MYO19: variants seen among roughly 807,000 people sequenced by gnomAD.
The protein encoded by MYO19 is myosin XIX.
Under a neutral mutation model 129.2 loss-of-function variants are expected in MYO19, and 132 were observed. That is an observed-to-expected ratio of 1.02 (90% CI 0.89 to 1.18). The LOEUF is 1.18. MYO19 is among the 50% of genes most tolerant of loss of function. MYO19 has a pLI of 0.00. For synonymous variants in MYO19, 531 were observed against 477.2 expected (o/e 1.11, Z -1.47); for missense variants, 1,210 against 1,216.7 (o/e 0.99, Z 0.08).
intron 12 of MYO19, 60 bp downstream of exon 12, chr17:36,511,305 C>T: frequency 6.6e-7 from 1 of 1,521,826 alleles, no homozygotes; most frequent in South Asian, 1.2e-5. Flanking sequence ...TCCACCCAAC[C>T]CCAGCAATGC....
At chr17:36,517,786 T>C (rs536741713) in intron 6 of MYO19, among the ~76,000 whole-genome samples, 1 of 151,976 alleles carries the variant, frequency 6.6e-6, no homozygotes, top group African/African-American at 2.4e-5. Flanking sequence ...GGGAGGTAAT[T>C]AAGATTAAAT....
chr17:36,512,039 A>C (rs1318292442), intron 11 of MYO19, among the ~76,000 whole-genome samples: 3 of 152,108 alleles, frequency 2.0e-5, no homozygotes, highest in African/African-American at 7.2e-5. Flanking sequence ...CACCCCACCA[A>C]GGCCCAGCAA....
chr17:36,511,034 G>C, intron 12 of MYO19, 117 bp from the exon 13 acceptor site: 1 of 1,213,762 alleles, frequency 8.2e-7, no homozygotes, highest in East Asian at 2.6e-5. Context: ...AGAAACCTAA[G>C]TTCTGATCAG....
At chr17:36,524,137 T>C (rs1386343119) in intron 6 of MYO19, among the ~76,000 whole-genome samples, 6 of 152,222 alleles carry the variant, frequency 3.9e-5, no homozygotes, top group African/African-American at 7.2e-5. Context: ...CAAGGCTTCG[T>C]TGAGAAGCTG....
Position 36,504,021 on chromosome 17 carries a change from C to T in MYO19, c.1906-1G>A. On this transcript the variant is annotated splice_acceptor_variant, in intron 19 of 25. Coordinates refer to ENST00000614623, the MANE Select transcript of MYO19 (RefSeq NM_001163735.2). LOFTEE classifies it high-confidence loss of function. Reference sequence around the variant, plus strand: ...CACAGGCCTCCAGCTGGCTCAGGACCTGCAAGGGTGGGGAGACAGGGCAGG... The same window carrying T: ...CACAGGCCTCCAGCTGGCTCAGGACTTGCAAGGGTGGGGAGACAGGGCAGG... 6.4e-7 allele frequency: 1 copy of T among 1,567,958 alleles called. No individual in the cohort carries two copies. Among genetic ancestry groups the T allele is most frequent in the Admixed American group, 1.9e-5 (1 of 52,968 alleles).
chr17:36,531,452 T>C (rs1376353020), intron 3 of MYO19, among the ~76,000 whole-genome samples: 1 of 146,432 alleles, frequency 6.8e-6, no homozygotes, highest in Non-Finnish European at 1.5e-5. Context: ...AGCATAAAAA[T>C]CCATAATCAT....
chr17:36,532,218 T>C (rs561198892), intron 3 of MYO19, among the ~76,000 whole-genome samples: 1 of 152,342 alleles, frequency 6.6e-6, no homozygotes, highest in South Asian at 2.1e-4. Context: ...CCCAGGCTTC[T>C]ACTATGCCTC....
intron 20 of MYO19, 79 bp from the exon 21 acceptor site, chr17:36,503,279 A>G: frequency 8.8e-7 from 1 of 1,137,008 alleles, no homozygotes; most frequent in Non-Finnish European, 1.3e-6. Flanking sequence ...ATCAGAAGTT[A>G]TTCTATTTAA....
chr17:36,513,701 C>A lies in MYO19; in HGVS notation c.745G>T (p.Glu249Ter), dbSNP rs369841038. The change falls in exon 10 of 26, where the codon GAG becomes TAG. Residue 249 changes from glutamate (E) to a stop codon, truncating the protein, a stop_gained. Coordinates refer to ENST00000614623, the MANE Select transcript of MYO19 (RefSeq NM_001163735.2). LOFTEE classifies it high-confidence loss of function. ...YQICKGASED[E>*]RLQWHLPEGA... ...TCAGGAAGGTGCCACTGGAGCCTCT[C>A]GTCCTCACTGGCTCCTTTGCAAATC... 1.2e-6 allele frequency: 2 copies of A among 1,613,742 alleles called. No individual in the cohort carries two copies.
rs765966360 is a variant in MYO19, at chr17:36,513,372, T to C, written c.894+57A>G. On this transcript the variant is annotated intron_variant, in intron 11 of 25. Transcript: ENST00000614623. ...ACTCCAAGTCCAGGGAAAAGCTCTA[T>C]GCAAAGGGCTGCCCGTCATCTCTGC... 5.0e-6 allele frequency: 8 copies of C among 1,613,674 alleles called. No homozygotes were observed. In the East Asian group the frequency reaches 8.9e-5, roughly 18 times the overall value.
upstream of MYO19, chr17:36,537,287 T>C (rs951359490): frequency 2.8e-5 from 45 of 1,614,038 alleles, no homozygotes; most frequent in Non-Finnish European, 3.7e-5. Flanking sequence ...CTGACTTTGT[T>C]GTCCTAATAG....
chr17:36,507,496 T>C lies in MYO19; in HGVS notation c.1370A>G (p.Glu457Gly). 1 of 1,613,562 alleles carries C rather than the reference T, an allele frequency of 6.2e-7. No homozygotes were observed. Among genetic ancestry groups the C allele is most frequent in the Non-Finnish European group, 8.5e-7 (1 of 1,179,836 alleles). ...LRAQQEEYAVEGLEWSFINYQ... is the reference protein window; with the variant it reads ...LRAQQEEYAVGGLEWSFINYQ... ...GTTGATGAATGACCACTCCAGGCCC[T>C]CAACTGCGTATTCCTCCTAAAGAAC... The change falls in exon 16 of 26, where the codon GAG becomes GGG. Residue 457 changes from glutamate to glycine, a missense_variant. Transcript: ENST00000614623.
chr17:36,506,912 A>T (rs1322414750), intron 17 of MYO19, 51 bp downstream of exon 17: 5 of 1,484,558 alleles, frequency 3.4e-6, no homozygotes, highest in Non-Finnish European at 4.5e-6. Context: ...CATAGCAAAG[A>T]CCCAGCATCT....
At chr17:36,522,919 T>C (rs1178570098) in intron 6 of MYO19, among the ~76,000 whole-genome samples, 32 of 150,368 alleles carry the variant, frequency 2.1e-4, no homozygotes, top group Non-Finnish European at 8.9e-5. Flanking sequence ...GGCAGGAGAA[T>C]GGTGTGAACC....
chr17:36,532,409 G>T, intron 3 of MYO19, 118 bp downstream of exon 3: 2 of 1,231,378 alleles, frequency 1.6e-6, no homozygotes, highest in Non-Finnish European at 2.3e-6. Context: ...GCACTGGAGA[G>T]ACAATTTGAG....
intron 6 of MYO19, among the ~76,000 whole-genome samples, chr17:36,521,420 G>T (rs2073123679): frequency 6.6e-6 from 1 of 152,034 alleles, no homozygotes; most frequent in South Asian, 2.1e-4. Context: ...GTAAAGAAAA[G>T]AATATCTCTC....
chr17:36,501,182 G>A lies in MYO19; in HGVS notation c.2134C>T (p.Leu712Phe). 6.2e-7 allele frequency: 1 copy of A among 1,614,036 alleles called. No individual in the cohort carries two copies. Among genetic ancestry groups the A allele is most frequent in the South Asian group, 1.1e-5 (1 of 91,072 alleles). Residue 712 changes from leucine to phenylalanine, a missense_variant, in exon 22 of 26, where the codon CTC becomes TTC. Physicochemically the swap from Leu to Phe is conservative, Grantham distance 22. Transcript: ENST00000614623. ...ATLEPLIQDI[L>F]HTLPVLTQAA... ...TGAGTTAGGACCGGCAGAGTGTGGA[G>A]AATGTCCTGGATGAGAGGTTCAAGC...
At chr17:36,544,544 C>T (rs531209870), upstream of MYO19, among the ~76,000 whole-genome samples, 1 of 152,366 alleles carries the variant, frequency 6.6e-6, no homozygotes, top group Admixed American at 6.5e-5. Flanking sequence ...AGCCCCGAAT[C>T]AGACGGGCTT....
chr17:36,512,524 C>T, intron 11 of MYO19: 1 of 998,306 alleles, frequency 1.0e-6, no homozygotes, highest in Non-Finnish European at 1.3e-6. Flanking sequence ...CTCCAGAAGA[C>T]TGCCATGCCC....
Sources: gnomAD v4.1 joint callset for allele counts (sites outside exome capture counted in the v4.1 genomes callset) on GRCh38, gnomAD v4.1.1 for gene constraint, MANE v1.5 for transcripts, NCBI Gene and HGNC (gene_info 2026-07-23, HGNC 2026-07-21) for gene names.